Variants in GALNT2 observed in about 807,000 individuals in gnomAD.
GALNT2 encodes UDP-GalNAc:polypeptide N-acetylgalactosaminyltransferase 2.
A neutral mutation model predicts 81.4 loss-of-function variants in GALNT2; 31 were observed. The observed-to-expected ratio is 0.38, with a 90% CI of 0.29 to 0.51. The LOEUF (loss-of-function observed/expected upper bound fraction) is 0.51, where lower values mean the gene tolerates loss of function less well. GALNT2 is among the 20% of genes least tolerant of loss of function. The pLI, the probability that GALNT2 is intolerant of heterozygous loss-of-function variation, is 0.87. For missense variants in GALNT2, 629 were observed against 765.7 expected, an observed-to-expected ratio of 0.82 and a Z score of 2.11; for synonymous variants, 303 against 287.4, an observed-to-expected ratio of 1.05 and a Z score of -0.55.
At chr1:230,156,603 G>C (rs181802163) in intron 1 of GALNT2, among the ~76,000 whole-genome samples, 14 of 152,138 alleles carry the variant, frequency 9.2e-5, no homozygotes, top group Admixed American at 3.9e-4. Context: ...TATTTTTTTG[G>C]CCCTTAAACT....
intron 6 of GALNT2, among the ~76,000 whole-genome samples, chr1:230,241,578 C>G (rs1273211806): frequency 6.6e-6 from 1 of 152,108 alleles, no homozygotes; most frequent in East Asian, 1.9e-4. Context: ...TGCCGAGTAG[C>G]TGGGATTACA....
chr1:230,248,111 G>T (rs182268365), intron 8 of GALNT2, among the ~76,000 whole-genome samples: 1 of 152,292 alleles, frequency 6.6e-6, no homozygotes, highest in East Asian at 1.9e-4. Flanking sequence ...TGCAGTGAGG[G>T]AGCTGGGAGG....
chr1:230,260,103 A>G (rs1665830607), intron 11 of GALNT2, among the ~76,000 whole-genome samples: 1 of 152,224 alleles, frequency 6.6e-6, no homozygotes, highest in Non-Finnish European at 1.5e-5. Flanking sequence ...TTTCGTCACT[A>G]TCTCATGTTG....
intron 1 of GALNT2, among the ~76,000 whole-genome samples, chr1:230,099,113 T>C (rs1009595571): frequency 6.6e-6 from 1 of 152,234 alleles, no homozygotes; most frequent in East Asian, 1.9e-4. Flanking sequence ...CCTAGTCTCC[T>C]CTGTTACACC....
chr1:230,093,719 T>C (rs371158760), intron 1 of GALNT2, among the ~76,000 whole-genome samples: 13 of 152,270 alleles, frequency 8.5e-5, no homozygotes, highest in African/African-American at 2.9e-4. Context: ...ACTGTATTTT[T>C]ACTGTACCTC....
chr1:230,225,249 G>A (rs1664672018), intron 3 of GALNT2, among the ~76,000 whole-genome samples: 1 of 151,914 alleles, frequency 6.6e-6, no homozygotes, highest in Non-Finnish European at 1.5e-5. Context: ...TCCTTTTTTT[G>A]GCTTCCATTT....
rs762432658 is a variant in GALNT2, at chr1:230,243,320, C to A, written c.622C>A (p.Arg208=). The A allele has an allele frequency of 6.2e-7, 1 of 1,606,572 alleles. No homozygotes were observed. Among genetic ancestry groups the A allele is most frequent in the Admixed American group, 1.7e-5 (1 of 59,820 alleles). The change falls in exon 7 of 16, where the codon CGG becomes AGG. Residue 208 remains arginine (R), a synonymous_variant. Coordinates refer to ENST00000366672, the MANE Select transcript of GALNT2 (RefSeq NM_004481.5). This position sits in a 1 kb window ranked among gnomAD's most constrained non-coding sequence, Gnocchi z 4.2. Reference sequence around the variant, plus strand: ...CGCCTCTGCAGGCCTCATGCGCTCACGGGTTCGGGGGGCCGATGCTGCCCA... The same window carrying A: ...CGCCTCTGCAGGCCTCATGCGCTCAAGGGTTCGGGGGGCCGATGCTGCCCA... The part of the protein sequence containing the change: ...NDRREGLMRS[R]VRGADAAQAK...
At chr1:230,175,491 G>A (rs982453652) in intron 1 of GALNT2, among the ~76,000 whole-genome samples, 1 of 151,950 alleles carries the variant, frequency 6.6e-6, no homozygotes, top group Non-Finnish European at 1.5e-5. Context: ...TTGGCACCTC[G>A]TAAATACTGT....
intron 15 of GALNT2, among the ~76,000 whole-genome samples, chr1:230,276,922 C>T (rs1666320348): frequency 6.6e-6 from 1 of 152,108 alleles, no homozygotes; most frequent in Admixed American, 6.5e-5. Context: ...AACACATTCC[C>T]CTGGGATGTA....
At chr1:230,267,955 G>GGT (rs1234283303) in intron 14 of GALNT2, among the ~76,000 whole-genome samples, 1 of 152,216 alleles carries the variant, frequency 6.6e-6, no homozygotes, top group Non-Finnish European at 1.5e-5. Context: ...CTGTGGTCCA[G>GGT]GTGTGACTGG....
chr1:230,160,105 C>T (rs1297671307), intron 1 of GALNT2, among the ~76,000 whole-genome samples: 1 of 152,204 alleles, frequency 6.6e-6, no homozygotes, highest in African/African-American at 2.4e-5. Flanking sequence ...ACCATCATCT[C>T]ATAGTCCTTC....
At chr1:230,276,036 C>T (rs1334905917) in intron 15 of GALNT2, among the ~76,000 whole-genome samples, 1 of 58,802 alleles carries the variant, frequency 1.7e-5, no homozygotes, top group African/African-American at 1.2e-4. Flanking sequence ...CATATATATA[C>T]GTATATACAT....
chr1:230,248,025 C>A (rs1421799050), intron 8 of GALNT2, among the ~76,000 whole-genome samples: 1 of 152,180 alleles, frequency 6.6e-6, no homozygotes, highest in Admixed American at 6.5e-5. Flanking sequence ...CAGGGGTCTC[C>A]TCTCTGTGCA....
chr1:230,153,930 C>T, intron 1 of GALNT2, among the ~76,000 whole-genome samples: 1 of 152,258 alleles, frequency 6.6e-6, no homozygotes, highest in East Asian at 1.9e-4. Context: ...CCCAGTGCCT[C>T]TTACAAACTC....
At chr1:230,168,136 G>A (rs995441173) in intron 1 of GALNT2, among the ~76,000 whole-genome samples, 5 of 152,020 alleles carry the variant, frequency 3.3e-5, no homozygotes, top group African/African-American at 9.7e-5. Flanking sequence ...CGGTGGACTC[G>A]GAGCAAGTGT....
In GALNT2 at chr1:230,257,995, A is replaced by G. The variant is rs555736589; in HGVS notation, c.1136+2651A>G. ...AAAGGTGCGATCTCGGCTCACTGCA[A>G]CCTCCACTTCCCAGATTCAAGAGAT... On this transcript the variant is annotated intron_variant, in intron 11 of 15. Coordinates refer to ENST00000366672, the MANE Select transcript of GALNT2 (RefSeq NM_004481.5). The surrounding 1 kb of genome is among the most constrained non-coding windows in gnomAD (Gnocchi z 4.6). 1.3e-4 allele frequency among the ~76,000 whole-genome samples: 20 copies of G among 152,030 alleles called. No homozygotes were observed. The South Asian group carries it at 2.9e-3, about 22-fold the overall frequency.
intron 1 of GALNT2, among the ~76,000 whole-genome samples, chr1:230,118,502 G>T (rs979580017): frequency 4.6e-5 from 7 of 152,204 alleles, no homozygotes; most frequent in Non-Finnish European, 8.8e-5. Flanking sequence ...ATCTGTTGTG[G>T]TGCCTTCCTG....
intron 3 of GALNT2, among the ~76,000 whole-genome samples, chr1:230,234,086 C>T (rs1357367327): frequency 1.3e-5 from 2 of 152,126 alleles, no homozygotes; most frequent in Non-Finnish European, 2.9e-5. Flanking sequence ...TGAAAGAATA[C>T]GTGAAAAGGC....
intron 1 of GALNT2, among the ~76,000 whole-genome samples, chr1:230,091,380 A>C (rs1660075660): frequency 6.6e-6 from 1 of 152,044 alleles, no homozygotes; most frequent in Non-Finnish European, 1.5e-5. Flanking sequence ...GGTCCTCAGC[A>C]AACCTTTTCT....
Sources: gnomAD v4.1 joint callset for allele counts (sites outside exome capture counted in the v4.1 genomes callset) on GRCh38, gnomAD v4.1.1 for gene constraint, Gnocchi (gnomAD v3.1) non-coding constraint, MANE v1.5 for transcripts, NCBI Gene and HGNC (gene_info 2026-07-23, HGNC 2026-07-21) for gene names.